Variants in RTN3 observed in about 807,000 individuals in gnomAD.
RTN3 encodes reticulon 3.
Under a neutral mutation model 77.8 loss-of-function variants are expected in RTN3, and 49 were observed. That is an observed-to-expected ratio of 0.63 (90% CI 0.50 to 0.80). The LOEUF (loss-of-function observed/expected upper bound fraction) is 0.80, where lower values mean the gene tolerates loss of function less well. Among genes scored for constraint, RTN3 ranks in the 30% least tolerant of loss-of-function variants. The pLI is 0.00. For missense variants in RTN3, 1,236 were observed against 1,211.9 expected (o/e 1.02, Z -0.29); for synonymous variants, 464 against 446.9 (o/e 1.04, Z -0.48).
intron 1 of RTN3, among the ~76,000 whole-genome samples, chr11:63,687,104 C>G (rs1941415757): frequency 6.6e-6 from 1 of 152,094 alleles, no homozygotes; most frequent in South Asian, 2.1e-4. Flanking sequence ...AGGAATGTGG[C>G]CCCCGTCCAA....
chr11:63,696,958 C>G (rs1294898535), intron 1 of RTN3, among the ~76,000 whole-genome samples: 8 of 139,890 alleles, frequency 5.7e-5, no homozygotes, highest in Admixed American at 3.8e-4. Context: ...GATCTTGGCT[C>G]ACGGCAAACT....
chr11:63,719,539 C>A lies in RTN3; in HGVS notation c.1037C>A (p.Pro346His), dbSNP rs753476377. The A allele has an allele frequency of 1.2e-6, 2 of 1,614,086 alleles. No homozygotes were observed. The highest frequency in any genetic ancestry group is 2.2e-5 in the South Asian group (2 of 91,070). ...GAAATACTGACTTGGGATCTGGTTC[C>A]CCAAGTGAAACAACAGACCGATAAA... ...TNEILTWDLV[P>H]QVKQQTDKSS... Residue 346 changes from proline to histidine, a missense_variant, in exon 3 of 9, where the codon CCC (proline) becomes CAC (histidine). Physicochemically the swap from Pro to His is moderately conservative, Grantham distance 77. Around this residue, in one of 3 missense-constraint regions of RTN3, gnomAD observed 1,056 missense variants for 990.4 expected, o/e 1.07. Transcript: ENST00000377819.
At chr11:63,741,953 T>A (rs1336356556) in intron 3 of RTN3, among the ~76,000 whole-genome samples, 1 of 152,020 alleles carries the variant, frequency 6.6e-6, no homozygotes, top group African/African-American at 2.4e-5. Flanking sequence ...CTTCTAACTT[T>A]ATTTTTCAAA....
intron 3 of RTN3, among the ~76,000 whole-genome samples, chr11:63,734,734 AACACACACACACACAC>A (rs754454322): frequency 2.1e-3 from 172 of 81,318 alleles, no homozygotes; most frequent in African/African-American, 5.7e-3. Context: ...TCTGTCTCAA[AACACACACACACACAC>A]ACACACACAC....
chr11:63,753,054 A>G lies in RTN3; in HGVS notation c.2878-15A>G. The G allele has an allele frequency of 6.2e-7, 1 of 1,613,086 alleles. No homozygotes were observed. The highest frequency in any genetic ancestry group is 8.5e-7 in the Non-Finnish European group (1 of 1,179,424). On this transcript the variant is annotated splice_polypyrimidine_tract_variant and intron_variant, in intron 5 of 8. Coordinates refer to ENST00000377819, the MANE Select transcript of RTN3 (RefSeq NM_001265589.2). The stretch of plus-strand genomic sequence containing the variant: ...TACGGTTATTCCTGCTTAACTTTTG[A>G]TATGGCCTTCACAGCTGGCTGTCTT...
chr11:63,723,492 C>T (rs1227177800), intron 3 of RTN3, among the ~76,000 whole-genome samples: 27 of 150,330 alleles, frequency 1.8e-4, no homozygotes, highest in Admixed American at 3.3e-4. Flanking sequence ...GGCGCGATCT[C>T]GGCTCACTGC....
chr11:63,725,127 C>T (rs1183011352), intron 3 of RTN3, among the ~76,000 whole-genome samples: 1 of 152,148 alleles, frequency 6.6e-6, no homozygotes, highest in African/African-American at 2.4e-5. Context: ...GCCACGCCCT[C>T]CATCTCCCCT....
intron 1 of RTN3, among the ~76,000 whole-genome samples, chr11:63,695,613 G>T (rs374694026): frequency 6.6e-6 from 1 of 152,214 alleles, no homozygotes; most frequent in East Asian, 1.9e-4. Flanking sequence ...CTGTACTCTT[G>T]ATATGCTGTG....
chr11:63,713,997 T>C (rs965319160), intron 2 of RTN3: 2 of 518,602 alleles, frequency 3.9e-6, no homozygotes, highest in African/African-American at 3.8e-5. Flanking sequence ...CAGCAGTGAC[T>C]ACAAGTGCCA....
chr11:63,711,260 A>T (rs1270797464), intron 2 of RTN3, among the ~76,000 whole-genome samples: 1 of 152,020 alleles, frequency 6.6e-6, no homozygotes. Context: ...AGCCTGGTCG[A>T]CAGAGTGAGA....
intron 1 of RTN3, among the ~76,000 whole-genome samples, chr11:63,697,837 TTG>T (rs1565305327): frequency 6.6e-6 from 1 of 152,048 alleles, no homozygotes. Flanking sequence ...CCAGAAAAAA[TTG>T]TTTCTTTTTT....
intron 3 of RTN3, among the ~76,000 whole-genome samples, chr11:63,743,342 G>A (rs2013599072): frequency 6.6e-6 from 1 of 152,094 alleles, no homozygotes; most frequent in African/African-American, 2.4e-5. Flanking sequence ...TCAAGTTGAG[G>A]GATTTCCCTT....
Position 63,720,498 on chromosome 11 carries a change from A to G in RTN3, c.1996A>G (p.Ile666Val), listed in dbSNP as rs749245420. ...CTTTACAGAAACCAGAGATAAAGGA[A>G]TAGTAGATAGTGAAAGAAATGCTTT... ...AAFTETRDKG[I>V]VDSERNAFKA... Residue 666 changes from isoleucine (I) to valine (V), a missense_variant, in exon 3 of 9, where the codon ATA becomes GTA. This residue lies in a region of RTN3 where 1,056 missense variants were observed against 990.4 expected (regional missense o/e 1.07). Coordinates refer to ENST00000377819, the MANE Select transcript of RTN3 (RefSeq NM_001265589.2). 6 of 1,613,978 alleles carry G rather than the reference A, an allele frequency of 3.7e-6. No individual in the cohort carries two copies. Among genetic ancestry groups the G allele is most frequent in the East Asian group, 2.2e-5 (1 of 44,878 alleles).
intron 3 of RTN3, among the ~76,000 whole-genome samples, chr11:63,724,508 T>TTA (rs1555075308): frequency 5.7e-5 from 7 of 123,514 alleles, no homozygotes; most frequent in African/African-American, 2.1e-4. Context: ...TTTTTTTTTT[T>TTA]AAAGACAGAG....
intron 1 of RTN3, among the ~76,000 whole-genome samples, chr11:63,696,840 C>T (rs1271746434): frequency 2.0e-5 from 3 of 149,772 alleles, no homozygotes; most frequent in Non-Finnish European, 4.4e-5. Context: ...AGCCACCACA[C>T]CTGGCCCCTG....
chr11:63,754,220 C>A (rs1256798767), intron 7 of RTN3, among the ~76,000 whole-genome samples: 1 of 151,424 alleles, frequency 6.6e-6, no homozygotes, highest in Admixed American at 6.6e-5. Context: ...GAGCCGAGAT[C>A]ATGTCATTGC....
At chr11:63,716,967 T>A (rs2011440408) in intron 2 of RTN3, among the ~76,000 whole-genome samples, 1 of 23,050 alleles carries the variant, frequency 4.3e-5, no homozygotes, top group Non-Finnish European at 1.0e-4. Flanking sequence ...AGACTCCGTC[T>A]CAAAAAAAAA....
intron 1 of RTN3, among the ~76,000 whole-genome samples, chr11:63,693,847 C>T (rs1363198663): frequency 6.6e-6 from 1 of 151,986 alleles, no homozygotes; most frequent in Non-Finnish European, 1.5e-5. Flanking sequence ...TCTGGCCGGG[C>T]ACAGTGGCTC....
At position 63,719,501 on chromosome 11, in the gene RTN3, T is replaced by G. The variant is rs1319767225; in HGVS notation, c.999T>G (p.His333Gln). 2 of 1,614,182 alleles carry G rather than the reference T, an allele frequency of 1.2e-6. No individual in the cohort carries two copies. The highest frequency in any genetic ancestry group is 2.2e-5 in the South Asian group (2 of 91,080). Reference sequence around the variant, plus strand: ...TGTCCAGATGCGTGAATGATATGCATAACTTTACTAACGAAATACTGACTT... The same window carrying G: ...TGTCCAGATGCGTGAATGATATGCAGAACTTTACTAACGAAATACTGACTT... ...EEVSRCVNDM[H>Q]NFTNEILTWD... The change falls in exon 3 of 9, where the codon CAT becomes CAG. Residue 333 changes from histidine (H) to glutamine (Q), a missense_variant. Physicochemically the swap from His to Gln is conservative, Grantham distance 24. Around this residue, in one of 3 missense-constraint regions of RTN3, gnomAD observed 1,056 missense variants for 990.4 expected, o/e 1.07. Transcript: ENST00000377819.
Sources: gnomAD v4.1 joint callset for allele counts (sites outside exome capture counted in the v4.1 genomes callset) on GRCh38, gnomAD v4.1.1 for gene constraint, gnomAD v4.1.1 regional missense constraint, MANE v1.5 for transcripts, NCBI Gene and HGNC (gene_info 2026-07-23, HGNC 2026-07-21) for gene names.